The following RMDN3 variants were observed in gnomAD, a reference collection of about 807,000 sequenced individuals.
RMDN3 encodes regulator of microtubule dynamics protein 3.
RMDN3 carries 41 observed loss-of-function variants against 61.8 expected under a neutral mutation model. The observed-to-expected ratio is 0.66, with a 90% CI of 0.52 to 0.86. The LOEUF (loss-of-function observed/expected upper bound fraction) is 0.86. Among genes scored for constraint, RMDN3 ranks in the 40% least tolerant of loss-of-function variants. The probability of loss-of-function intolerance (pLI) is 0.00; values close to 1 mark genes in which losing one functional copy is unlikely to be tolerated. For synonymous variants in RMDN3, 247 were observed against 232.0 expected (o/e 1.06, Z -0.59); for missense variants, 557 against 585.3 (o/e 0.95, Z 0.50).
rs201577678 is a variant in RMDN3 at position 40,744,096 on chromosome 15, C to T, written c.861G>A (p.Met287Ile). ...LWRLARAYSD[M>I]CELTEEVSEK... Reference sequence around the variant, plus strand: ...CGCTCACCTCCTCAGTGAGCTCACACATGTCACTGTAGGCTCGGGCCAGGC... The same window carrying T: ...CGCTCACCTCCTCAGTGAGCTCACATATGTCACTGTAGGCTCGGGCCAGGC... The change falls in exon 6 of 13, where the codon ATG (methionine) becomes ATA (isoleucine). Residue 287 changes from methionine to isoleucine, a missense_variant. By Grantham distance (10) the Met-to-Ile change is conservative. Transcript: ENST00000338376. The T allele has an allele frequency of 2.7e-5, 43 of 1,613,636 alleles. No individual in the cohort carries two copies. The East Asian group carries it at 9.4e-4, about 35-fold the overall frequency.
At chr15:40,737,001 G>A in intron 12 of RMDN3, 123 bp downstream of exon 12, 1 of 799,202 alleles carries the variant, frequency 1.3e-6, no homozygotes, top group South Asian at 1.5e-5. Flanking sequence ...TTATAGGCGT[G>A]CGCCACTAGG....
chr15:40,744,959 A>T lies in RMDN3; in HGVS notation c.807+18T>A. The stretch of plus-strand genomic sequence containing the variant: ...GGGAGGGAGGGAAGGAGAAGGAGAC[A>T]GGCAGCTGGAGCCTCACCACCAGCT... On this transcript the variant is annotated intron_variant, in intron 5 of 12. Coordinates refer to ENST00000338376, the MANE Select transcript of RMDN3 (RefSeq NM_018145.3). 1 of 1,573,252 alleles carries T rather than the reference A, an allele frequency of 6.4e-7. No homozygotes were observed. Among genetic ancestry groups the T allele is most frequent in the Non-Finnish European group, 8.6e-7 (1 of 1,158,720 alleles).
chr15:40,745,697 G>T (rs1307006396), intron 4 of RMDN3, among the ~76,000 whole-genome samples: 1 of 152,086 alleles, frequency 6.6e-6, no homozygotes, highest in Non-Finnish European at 1.5e-5. Flanking sequence ...GTTTCCTATG[G>T]GAACTAAGGG....
intron 2 of RMDN3, among the ~76,000 whole-genome samples, chr15:40,753,967 C>T (rs1389612090): frequency 6.6e-6 from 1 of 152,188 alleles, no homozygotes; most frequent in Non-Finnish European, 1.5e-5. Context: ...CTCTTTTGGA[C>T]TCTTCCTCTA....
chr15:40,751,375 C>T (rs1476462530), intron 4 of RMDN3, 51 bp downstream of exon 4: 3 of 1,587,526 alleles, frequency 1.9e-6, no homozygotes, highest in Admixed American at 1.8e-5. Flanking sequence ...AATACTTTTA[C>T]AAAACACAAC....
rs1182985683 is a variant in RMDN3, at chr15:40,755,132, C to G, written c.-57G>C. 5 of 203,146 alleles carry G rather than the reference C, an allele frequency of 2.5e-5. No individual in the cohort carries two copies. Among genetic ancestry groups the G allele is most frequent in the African/African-American group, 1.2e-4 (5 of 43,160 alleles). The allele number at this position is 203,146 out of a possible 1,614,324, so 12.6% of individuals were successfully genotyped here. On this transcript the variant is annotated 5_prime_UTR_variant, in exon 1 of 13. Coordinates refer to ENST00000338376, the MANE Select transcript of RMDN3 (RefSeq NM_018145.3). Reference sequence around the variant, plus strand: ...ACAAACCCGGCGCCCTGGCTGCAAACTCCTGGCCTTCCGCCGCGGCCCCCG... The same window carrying G: ...ACAAACCCGGCGCCCTGGCTGCAAAGTCCTGGCCTTCCGCCGCGGCCCCCG...
chr15:40,736,635 C>G (rs199738362), intron 12 of RMDN3, 41 bp from the exon 13 acceptor site: 59 of 1,579,810 alleles, frequency 3.7e-5, no homozygotes, highest in Non-Finnish European at 5.1e-5. Flanking sequence ...AAAATTTAAA[C>G]CAGCATTTTC....
Position 40,751,511 on chromosome 15 carries a change from C to T in RMDN3, c.439G>A (p.Glu147Lys), listed in dbSNP as rs1249756281. 1 of 1,614,164 alleles carries T rather than the reference C, an allele frequency of 6.2e-7. No homozygotes were observed. Among genetic ancestry groups the T allele is most frequent in the South Asian group, 1.1e-5 (1 of 91,082 alleles). ...CTGGAGCCAGTGGAGTCACTCCTCT[C>T]CCGGACAAACGGAAACCTTCGCCGC... The part of the protein sequence containing the change: ...ARRRRFPFVR[E>K]RSDSTGSSSV... The change falls in exon 4 of 13, where the codon GAG becomes AAG. Residue 147 changes from glutamate to lysine, a missense_variant. Physicochemically the swap from Glu to Lys is moderately conservative, Grantham distance 56. Coordinates refer to ENST00000338376, the MANE Select transcript of RMDN3 (RefSeq NM_018145.3).
chr15:40,754,853 G>T (rs554702879), intron 1 of RMDN3, 63 bp from the exon 2 acceptor site: 1 of 1,373,824 alleles, frequency 7.3e-7, no homozygotes, highest in South Asian at 1.4e-5. Flanking sequence ...TAAGGAGAGA[G>T]AGAGATTCGT....
chr15:40,752,009 C>G lies in RMDN3; in HGVS notation c.357G>C (p.Ala119=), dbSNP rs369658239. The G allele has an allele frequency of 1.9e-6, 3 of 1,613,952 alleles. No individual in the cohort carries two copies. Among genetic ancestry groups the G allele is most frequent in the East Asian group, 2.2e-5 (1 of 44,894 alleles). Residue 119 remains alanine, a synonymous_variant, in exon 3 of 13, where the codon GCG becomes GCC. Transcript: ENST00000338376. ...ACCGGACCTCCCCAACAATCTCCCCCGCAAGCCCTCGCAGGCTGCTTCTCA... is the reference window on the plus strand; with the variant it reads ...ACCGGACCTCCCCAACAATCTCCCCGGCAAGCCCTCGCAGGCTGCTTCTCA... ...EELRSSLRGL[A]GEIVGEVRCH...
chr15:40,748,384 A>G (rs1323019594), intron 4 of RMDN3, among the ~76,000 whole-genome samples: 11 of 152,190 alleles, frequency 7.2e-5, no homozygotes, highest in Admixed American at 7.2e-4. Context: ...ACAGTGTTGC[A>G]CCACCACCTG....
intron 6 of RMDN3, among the ~76,000 whole-genome samples, 173 bp downstream of exon 6, chr15:40,743,874 C>T (rs935682825): frequency 2.0e-5 from 3 of 152,208 alleles, no homozygotes; most frequent in Non-Finnish European, 4.4e-5. Context: ...AGACTGCTCT[C>T]TTCTTCCAGA....
chr15:40,739,643 G>A (rs1275981808), intron 7 of RMDN3: 2 of 155,952 alleles, frequency 1.3e-5, no homozygotes, highest in Non-Finnish European at 2.9e-5. Context: ...CCTCACATGA[G>A]ACCACAAAAA....
chr15:40,738,225 T>C (rs1008550789), intron 8 of RMDN3, among the ~76,000 whole-genome samples, 183 bp from the exon 9 acceptor site: 35 of 152,184 alleles, frequency 2.3e-4, no homozygotes, highest in African/African-American at 8.4e-4. Context: ...CCATCTGTGC[T>C]AAAGATACAA....
At chr15:40,738,372 ACT>A (rs1897147040) in intron 8 of RMDN3, 127 bp downstream of exon 8, 4 of 829,030 alleles carry the variant, frequency 4.8e-6, no homozygotes, top group East Asian at 2.8e-5. Context: ...ATAGAGTGAG[ACT>A]CTGTCTCAAA....
chr15:40,751,925 A>G, intron 3 of RMDN3, 61 bp downstream of exon 3: 1 of 1,539,960 alleles, frequency 6.5e-7, no homozygotes, highest in Non-Finnish European at 8.9e-7. Flanking sequence ...AGGCCAGAAC[A>G]CACCCCAGCT....
intron 4 of RMDN3, among the ~76,000 whole-genome samples, 191 bp from the exon 5 acceptor site, chr15:40,745,450 T>A (rs1481985434): frequency 6.7e-6 from 1 of 149,792 alleles, no homozygotes; most frequent in East Asian, 2.0e-4. Context: ...TCCCGCTCTG[T>A]CACCCAGACT....
intron 6 of RMDN3, among the ~76,000 whole-genome samples, chr15:40,743,828 G>A (rs1044372825): frequency 1.3e-5 from 2 of 152,222 alleles, no homozygotes; most frequent in Non-Finnish European, 2.9e-5. Context: ...ACACATGCAC[G>A]TGTGTTACTA....
chr15:40,740,293 T>C (rs1023612933), intron 6 of RMDN3, 100 bp from the exon 7 acceptor site: 68 of 806,360 alleles, frequency 8.4e-5, no homozygotes, highest in East Asian at 2.0e-4. Flanking sequence ...CACCAATCCC[T>C]ACCCAGCTTG....
Sources: gnomAD v4.1 joint callset for allele counts (sites outside exome capture counted in the v4.1 genomes callset) on GRCh38, gnomAD v4.1.1 for gene constraint, MANE v1.5 for transcripts, NCBI Gene and HGNC (gene_info 2026-07-23, HGNC 2026-07-21) for gene names.